ADARB1: variants seen among roughly 807,000 people sequenced by gnomAD.
ADARB1 encodes the protein double-stranded RNA-specific editase 1.
A neutral mutation model predicts 52.4 loss-of-function variants in ADARB1; 10 were observed. The ratio of observed to expected loss-of-function variants is 0.19; its 90% CI spans 0.12 to 0.32. The LOEUF (loss-of-function observed/expected upper bound fraction) is 0.32, where lower values mean the gene tolerates loss of function less well. Ranked by LOEUF, ADARB1 falls within the 10% of genes least tolerant of loss-of-function variation. The probability of loss-of-function intolerance (pLI) is 1.00; values close to 1 mark genes in which losing one functional copy is unlikely to be tolerated. For missense variants in ADARB1, 643 were observed against 922.3 expected, an observed-to-expected ratio of 0.70 and a Z score of 3.92; for synonymous variants, 349 against 371.1, an observed-to-expected ratio of 0.94 and a Z score of 0.68.
At chr21:45,132,135 T>A (rs2088983961) in intron 2 of ADARB1, 1 of 152,242 alleles carries the variant, frequency 6.6e-6, no homozygotes, top group Non-Finnish European at 1.5e-5. Context: ...TCCAAAAGAT[T>A]ACTGAAATTT....
At chr21:45,189,270 T>C (rs1352515051) in intron 8 of ADARB1, among the ~76,000 whole-genome samples, 2 of 152,234 alleles carry the variant, frequency 1.3e-5, no homozygotes, top group East Asian at 3.8e-4. Context: ...GGTATTTTCT[T>C]TGTGGTTACC....
intron 2 of ADARB1, chr21:45,144,702 G>T (rs1206873143): frequency 2.2e-6 from 1 of 445,494 alleles, no homozygotes; most frequent in East Asian, 7.1e-5. Flanking sequence ...TTCAACTCTG[G>T]TAACTTCATG....
intron 1 of ADARB1, among the ~76,000 whole-genome samples, chr21:45,122,391 G>A (rs1049005022): frequency 6.6e-6 from 1 of 152,246 alleles, no homozygotes; most frequent in East Asian, 1.9e-4. Context: ...TACAAGGCAT[G>A]TTAAATCCTC....
At chr21:45,085,716 G>A (rs2123654544) in intron 1 of ADARB1, among the ~76,000 whole-genome samples, 1 of 152,318 alleles carries the variant, frequency 6.6e-6, no homozygotes, top group East Asian at 1.9e-4. Flanking sequence ...ACATGCAGGT[G>A]AATGAGTGAC....
At chr21:45,104,066 G>T (rs1404113360) in intron 1 of ADARB1, among the ~76,000 whole-genome samples, 3 of 152,258 alleles carry the variant, frequency 2.0e-5, no homozygotes, top group Middle Eastern at 3.4e-3. Flanking sequence ...GGGGAGGGGG[G>T]TCCCTCCTGG....
chr21:45,210,447 G>A (rs1465839751), intron 9 of ADARB1, among the ~76,000 whole-genome samples: 1 of 152,200 alleles, frequency 6.6e-6, no homozygotes, highest in African/African-American at 2.4e-5. Flanking sequence ...TAATGCTACA[G>A]TACAGTTACC....
chr21:45,076,473 A>G (rs2085940370), intron 1 of ADARB1, among the ~76,000 whole-genome samples: 1 of 152,230 alleles, frequency 6.6e-6, no homozygotes. Context: ...ATCCCACTAC[A>G]TCTACATCAC....
intron 9 of ADARB1, among the ~76,000 whole-genome samples, chr21:45,219,870 T>C (rs757291583): frequency 6.6e-6 from 1 of 152,188 alleles, no homozygotes; most frequent in Admixed American, 6.5e-5. Context: ...TACCATCCTT[T>C]GGCCCTCCAT....
At chr21:45,168,586 G>A (rs2146094749) in intron 2 of ADARB1, among the ~76,000 whole-genome samples, 1 of 152,236 alleles carries the variant, frequency 6.6e-6, no homozygotes, top group South Asian at 2.1e-4. Context: ...TTGCACCTTT[G>A]TCCAAAATCA....
chr21:45,146,938 G>C (rs146326703), intron 2 of ADARB1, among the ~76,000 whole-genome samples: 97 of 152,286 alleles, frequency 6.4e-4, no homozygotes, highest in African/African-American at 2.2e-3. Flanking sequence ...TTCTCAAATT[G>C]TTTCTGTCCC....
intron 1 of ADARB1, among the ~76,000 whole-genome samples, chr21:45,100,102 A>T (rs1165041082): frequency 6.6e-6 from 1 of 152,252 alleles, no homozygotes; most frequent in African/African-American, 2.4e-5. Context: ...TTAAAGATTT[A>T]AAAATATATG....
chr21:45,156,009 C>CCCA (rs2090570068), intron 2 of ADARB1, among the ~76,000 whole-genome samples: 4 of 930 alleles, frequency 4.3e-3, no homozygotes, highest in South Asian at 0.077. Flanking sequence ...CCATCATCCA[C>CCCA]TCACCCACCC....
At chr21:45,100,717 G>A (rs1042824908) in intron 1 of ADARB1, 34 of 152,504 alleles carry the variant, frequency 2.2e-4, no homozygotes, top group African/African-American at 8.0e-4. Context: ...TCTGGGTGAA[G>A]TCAAGGAATG....
intron 2 of ADARB1, among the ~76,000 whole-genome samples, chr21:45,143,613 G>T (rs188213230): frequency 6.6e-6 from 1 of 152,316 alleles, no homozygotes; most frequent in Admixed American, 6.5e-5. Flanking sequence ...GGCCCAGGAG[G>T]TCCCATGTGC....
rs1004360578 is a variant in ADARB1, at chr21:45,208,675, TATGA to T, written c.1747+3940_1747+3943del. Reference sequence around the variant, plus strand: ...GAGTGTGTGCATGAGTGCGTGTGTGTATGAGTGTGTGTGCATGTGTGTGTGCACG... The same window carrying T: ...GAGTGTGTGCATGAGTGCGTGTGTGTGTGTGTGTGCATGTGTGTGTGCACG... On this transcript the variant is annotated intron_variant, in intron 9 of 10. Coordinates refer to ENST00000348831, the MANE Select transcript of ADARB1 (RefSeq NM_001112.4). The surrounding 1 kb of genome is among the most constrained non-coding windows in gnomAD (Gnocchi z 5.6). 1.1e-4 allele frequency among the ~76,000 whole-genome samples: 16 copies of T among 151,788 alleles called. No individual in the cohort carries two copies. Among genetic ancestry groups the T allele is most frequent in the East Asian group, 1.9e-4 (1 of 5,146 alleles).
chr21:45,090,063 C>T (rs2086502519), intron 1 of ADARB1, among the ~76,000 whole-genome samples: 1 of 152,192 alleles, frequency 6.6e-6, no homozygotes, highest in South Asian at 2.1e-4. Context: ...TTGTTTTGTA[C>T]ATACCCTTTA....
intron 4 of ADARB1, among the ~76,000 whole-genome samples, chr21:45,178,950 T>C (rs1034425330): frequency 6.6e-6 from 1 of 152,172 alleles, no homozygotes; most frequent in African/African-American, 2.4e-5. Flanking sequence ...AAGTTAAAGT[T>C]CTTCGCCTCT....
intron 2 of ADARB1, among the ~76,000 whole-genome samples, chr21:45,144,043 G>A (rs1300826528): frequency 6.6e-6 from 1 of 152,112 alleles, no homozygotes; most frequent in Non-Finnish European, 1.5e-5. Context: ...GACAGTACTG[G>A]TACATAGTAG....
intron 1 of ADARB1, among the ~76,000 whole-genome samples, chr21:45,088,145 G>A (rs963933333): frequency 6.6e-6 from 1 of 152,184 alleles, no homozygotes; most frequent in Non-Finnish European, 1.5e-5. Context: ...AGGTGTACGC[G>A]TTACATGCAT....
Sources: allele counts gnomAD v4.1 joint callset (sites outside exome capture counted in the v4.1 genomes callset), GRCh38; gene constraint gnomAD v4.1.1; non-coding constraint Gnocchi (gnomAD v3.1); transcripts MANE v1.5; gene names NCBI Gene and HGNC (gene_info 2026-07-23, HGNC 2026-07-21).